Variants in YTHDC2 observed in about 807,000 individuals in gnomAD.
YTHDC2 encodes YTH N6-methyladenosine RNA binding protein C2.
A neutral mutation model predicts 174.9 loss-of-function variants in YTHDC2; 45 were observed. The observed-to-expected ratio is 0.26, with a 90% confidence interval of 0.20 to 0.33. YTHDC2 has a LOEUF of 0.33. Among genes scored for constraint, YTHDC2 ranks in the 10% least tolerant of loss-of-function variants. The pLI, the probability that YTHDC2 is intolerant of heterozygous loss-of-function variation, is 1.00. For missense variants in YTHDC2, 1,650 were observed against 1,723.7 expected, an observed-to-expected ratio of 0.96 and a Z score of 0.76; for synonymous variants, 657 against 574.5, an observed-to-expected ratio of 1.14 and a Z score of -2.05.
chr5:113,583,307 G>A (rs975392063), intron 25 of YTHDC2: 1 of 152,060 alleles, frequency 6.6e-6, no homozygotes, highest in African/African-American at 2.4e-5. Flanking sequence ...AAATATGTAA[G>A]CCAAAACAGA....
intron 10 of YTHDC2, among the ~76,000 whole-genome samples, chr5:113,547,255 A>G (rs940272472): frequency 1.3e-5 from 2 of 152,204 alleles, no homozygotes; most frequent in East Asian, 1.9e-4. Flanking sequence ...TTTGCATACA[A>G]TGAGTACAGA....
Position 113,593,577 on chromosome 5 carries a change from T to G in YTHDC2, c.*103T>G, listed in dbSNP as rs1180132999. On this transcript the variant is annotated 3_prime_UTR_variant, in exon 30 of 30. Coordinates refer to ENST00000161863, the MANE Select transcript of YTHDC2 (RefSeq NM_022828.5). ...TGGGGTGTGTGTTACGAATGGGCTT[T>G]TTAACACTTTTAGAGTGTTGCTTTA... 2.1e-6 allele frequency: 1 copy of G among 465,596 alleles called. No homozygotes were observed. The highest frequency in any genetic ancestry group is 1.9e-5 in the African/African-American group (1 of 51,522). 28.8% of individuals were successfully genotyped at this position (465,596 alleles called of 1,614,324 possible). A position where few individuals can be genotyped will look rare whatever the true frequency, so the allele number is the denominator to read the frequency against.
intron 10 of YTHDC2, among the ~76,000 whole-genome samples, chr5:113,545,357 T>TTG (rs1338671271): frequency 6.9e-6 from 1 of 145,906 alleles, no homozygotes; most frequent in Non-Finnish European, 1.5e-5. Flanking sequence ...TCATTATTCT[T>TTG]TTTTGTTTTG....
At chr5:113,559,179 G>A (rs918066958) in intron 17 of YTHDC2, among the ~76,000 whole-genome samples, 14 of 152,166 alleles carry the variant, frequency 9.2e-5, no homozygotes, top group Non-Finnish European at 1.2e-4. Flanking sequence ...GCTGAAGGGT[G>A]GGTATAGTGT....
At chr5:113,538,555 A>G (rs1170037869) in intron 7 of YTHDC2, among the ~76,000 whole-genome samples, 1 of 152,028 alleles carries the variant, frequency 6.6e-6, no homozygotes, top group Non-Finnish European at 1.5e-5. Context: ...CATCATCATT[A>G]TACACTTTTT....
At chr5:113,576,107 T>G (rs1778030388) in intron 23 of YTHDC2, among the ~76,000 whole-genome samples, 1 of 152,120 alleles carries the variant, frequency 6.6e-6, no homozygotes, top group Non-Finnish European at 1.5e-5. Flanking sequence ...TAAGTAAATT[T>G]TTTTTTAGGA....
intron 2 of YTHDC2, among the ~76,000 whole-genome samples, chr5:113,517,318 TG>T (rs1561615847): frequency 6.6e-6 from 1 of 152,220 alleles, no homozygotes; most frequent in African/African-American, 2.4e-5. Flanking sequence ...TAAGAGGTTT[TG>T]GGCCTGTGCT....
chr5:113,548,504 G>A (rs551864894), intron 10 of YTHDC2, 37 bp from the exon 11 acceptor site: 2 of 1,559,658 alleles, frequency 1.3e-6, no homozygotes, highest in Admixed American at 2.1e-5. Flanking sequence ...GAAGTACTTT[G>A]GAAATTTAAG....
At chr5:113,551,054 C>G (rs1443516545) in intron 12 of YTHDC2, among the ~76,000 whole-genome samples, 1 of 151,950 alleles carries the variant, frequency 6.6e-6, no homozygotes, top group Non-Finnish European at 1.5e-5. Flanking sequence ...TTTTATTTGA[C>G]CTGGGTTTTT....
At chr5:113,531,151 A>C (rs1021035549) in intron 4 of YTHDC2, among the ~76,000 whole-genome samples, 2 of 152,032 alleles carry the variant, frequency 1.3e-5, no homozygotes, top group Non-Finnish European at 2.9e-5. Context: ...AAAATGATAC[A>C]CTTATCTTCT....
chr5:113,533,466 T>C (rs1043171258), intron 5 of YTHDC2, among the ~76,000 whole-genome samples: 1 of 151,966 alleles, frequency 6.6e-6, no homozygotes, highest in Non-Finnish European at 1.5e-5. Flanking sequence ...GGAGAATCGT[T>C]TGAACCCGGA....
chr5:113,565,274 ATATAT>A (rs145569439), intron 20 of YTHDC2, among the ~76,000 whole-genome samples: 2,564 of 152,330 alleles, frequency 0.017, 70 homozygotes, highest in African/African-American at 0.058. Context: ...ATTAAATACC[ATATAT>A]TATAGTAGAT....
At chr5:113,523,248 A>C (rs1012231739) in intron 2 of YTHDC2, among the ~76,000 whole-genome samples, 3 of 152,178 alleles carry the variant, frequency 2.0e-5, no homozygotes, top group Non-Finnish European at 4.4e-5. Context: ...GAGTTCTTAA[A>C]AATATGAAGT....
In YTHDC2 at chr5:113,514,241, G is replaced by C. The variant is rs1000068100; in HGVS notation, c.187+159G>C. ...GGCCTCAGCGGCGGCACCCGGGTCT[G>C]GAACGCGGCTGTTGGCCCTGCGGTG... On this transcript the variant is annotated intron_variant, in intron 1 of 29. Coordinates refer to ENST00000161863, the MANE Select transcript of YTHDC2 (RefSeq NM_022828.5). The C allele has an allele frequency of 8.9e-6, 8 of 895,140 alleles. No homozygotes were observed. In the Admixed American group the frequency reaches 1.2e-4, roughly 13 times the overall value. The allele number at this position is 895,140 out of a possible 1,614,324, so 55.4% of individuals were successfully genotyped here.
chr5:113,565,687 G>A (rs546743999), intron 20 of YTHDC2: 5 of 446,206 alleles, frequency 1.1e-5, no homozygotes, highest in South Asian at 5.6e-5. Context: ...TTCTCTTTGC[G>A]ATTTTATAAA....
At chr5:113,543,837 A>G (rs1442992359) in intron 10 of YTHDC2, among the ~76,000 whole-genome samples, 2 of 152,212 alleles carry the variant, frequency 1.3e-5, no homozygotes, top group Admixed American at 6.5e-5. Context: ...TCATATGCCT[A>G]GAATACTATC....
intron 26 of YTHDC2, among the ~76,000 whole-genome samples, chr5:113,588,050 G>T (rs775985337): frequency 6.6e-6 from 1 of 151,916 alleles, no homozygotes; most frequent in Non-Finnish European, 1.5e-5. Flanking sequence ...GGTATTCATT[G>T]TTAGTATATA....
intron 12 of YTHDC2, among the ~76,000 whole-genome samples, chr5:113,550,105 A>G (rs1776146830): frequency 1.3e-5 from 1 of 79,962 alleles, no homozygotes; most frequent in Admixed American, 1.9e-4. Context: ...AAGAAAAACA[A>G]AAATTGGGGG....
intron 10 of YTHDC2, 85 bp downstream of exon 10, chr5:113,542,588 A>G (rs566886771): frequency 1.3e-5 from 16 of 1,249,200 alleles, no homozygotes; most frequent in Middle Eastern, 5.6e-4. Flanking sequence ...TGTACTACCA[A>G]TAATTGCACA....
Sources: allele counts gnomAD v4.1 joint callset (sites outside exome capture counted in the v4.1 genomes callset), GRCh38; gene constraint gnomAD v4.1.1; transcripts MANE v1.5; gene names NCBI Gene and HGNC (gene_info 2026-07-23, HGNC 2026-07-21).